The following GALNT13 variants were observed in gnomAD, a reference collection of about 807,000 sequenced individuals.
GALNT13 encodes polypeptide N-acetylgalactosaminyltransferase 13.
A neutral mutation model predicts 64.2 loss-of-function variants in GALNT13; 28 were observed. The observed-to-expected ratio is 0.44, with a 90% CI of 0.32 to 0.60. The LOEUF (loss-of-function observed/expected upper bound fraction) is 0.60, where lower values mean the gene tolerates loss of function less well. Ranked by LOEUF, GALNT13 falls within the 20% of genes least tolerant of loss-of-function variation. GALNT13 has a pLI of 0.05. For synonymous variants in GALNT13, 214 were observed against 224.6 expected, an observed-to-expected ratio of 0.95 and a Z score of 0.42; for missense variants, 577 against 669.8, an observed-to-expected ratio of 0.86 and a Z score of 1.53.
the GALNT13 span, among the ~76,000 whole-genome samples, chr2:153,160,618 A>C: frequency 6.6e-6 from 1 of 152,184 alleles, no homozygotes; most frequent in South Asian, 2.1e-4. Flanking sequence ...GTAACTCATG[A>C]GAAATAAAAG....
the GALNT13 span, among the ~76,000 whole-genome samples, chr2:153,697,733 C>A: frequency 6.6e-6 from 1 of 152,096 alleles, no homozygotes; most frequent in Non-Finnish European, 1.5e-5. Context: ...ATTTAAAGGT[C>A]CTAGTAAGAA....
the GALNT13 span, among the ~76,000 whole-genome samples, chr2:153,314,748 C>T: frequency 7.7e-6 from 1 of 129,746 alleles, no homozygotes; most frequent in Non-Finnish European, 1.7e-5. Flanking sequence ...ATACAACATG[C>T]CCAAACCTAT....
At chr2:153,583,408 C>A in the GALNT13 span, among the ~76,000 whole-genome samples, 1 of 152,158 alleles carries the variant, frequency 6.6e-6, no homozygotes, top group Non-Finnish European at 1.5e-5. Context: ...TAGACAATCA[C>A]ACTTTGAATA....
At chr2:153,110,516 C>T in the GALNT13 span, among the ~76,000 whole-genome samples, 2 of 152,052 alleles carry the variant, frequency 1.3e-5, no homozygotes, top group African/African-American at 4.8e-5. Flanking sequence ...TCAGTTCGTG[C>T]CCTAAGTCTA....
intron 8 of GALNT13, among the ~76,000 whole-genome samples, chr2:154,259,969 A>T (rs934456476): frequency 1.3e-5 from 2 of 151,902 alleles, no homozygotes; most frequent in Admixed American, 6.6e-5. Flanking sequence ...TGCAGCCTAG[A>T]CCTCCAGGGC....
the GALNT13 span, among the ~76,000 whole-genome samples, chr2:153,263,996 C>A: frequency 6.6e-6 from 1 of 152,162 alleles, no homozygotes; most frequent in Admixed American, 6.5e-5. Flanking sequence ...AAGCTATCAT[C>A]ATAGTGAACA....
At chr2:154,366,155 T>C (rs1436815994) in intron 9 of GALNT13, among the ~76,000 whole-genome samples, 1 of 152,194 alleles carries the variant, frequency 6.6e-6, no homozygotes, top group African/African-American at 2.4e-5. Context: ...TAGTGTCATA[T>C]CACAGCCAGT....
chr2:154,291,741 G>A (rs536337374), intron 8 of GALNT13, among the ~76,000 whole-genome samples: 1 of 152,374 alleles, frequency 6.6e-6, no homozygotes, highest in Admixed American at 6.5e-5. Context: ...CCAGAGAGGG[G>A]CCCCCACAGC....
At chr2:154,143,807 G>A (rs1200736169) in intron 4 of GALNT13, among the ~76,000 whole-genome samples, 2 of 143,042 alleles carry the variant, frequency 1.4e-5, no homozygotes, top group African/African-American at 2.6e-5. Context: ...GTTGCAGTGA[G>A]CCGTGATTGT....
At chr2:153,425,633 G>A in the GALNT13 span, among the ~76,000 whole-genome samples, 81 of 151,874 alleles carry the variant, frequency 5.3e-4, no homozygotes, top group Middle Eastern at 6.8e-3. Context: ...TTAAGTCTAT[G>A]AGAAAATGAT....
intron 9 of GALNT13, among the ~76,000 whole-genome samples, chr2:154,368,367 CTCTCT>C (rs1559117414): frequency 1.3e-5 from 2 of 152,164 alleles, no homozygotes; most frequent in Non-Finnish European, 2.9e-5. Context: ...GGTCACACCC[CTCTCT>C]GGGGTGTGAC....
intron 4 of GALNT13, among the ~76,000 whole-genome samples, chr2:154,237,078 C>T (rs1689231394): frequency 6.6e-6 from 1 of 151,728 alleles, no homozygotes; most frequent in South Asian, 2.1e-4. Flanking sequence ...ATTTTTATTG[C>T]ATTATTATTA....
chr2:153,458,819 T>A, the GALNT13 span, among the ~76,000 whole-genome samples: 1 of 152,226 alleles, frequency 6.6e-6, no homozygotes, highest in Admixed American at 6.5e-5. Context: ...GTAACTATTT[T>A]AAAAAGATCT....
chr2:153,970,836 G>A (rs754935976), intron 3 of GALNT13, among the ~76,000 whole-genome samples: 34 of 152,070 alleles, frequency 2.2e-4, no homozygotes, highest in Non-Finnish European at 2.6e-4. Context: ...AGCACATCCT[G>A]TTTGCATTAT....
At chr2:154,165,912 G>A (rs1684996363) in intron 4 of GALNT13, among the ~76,000 whole-genome samples, 1 of 152,184 alleles carries the variant, frequency 6.6e-6, no homozygotes. Context: ...GTTCAAGAGA[G>A]TATTGAACAG....
At chr2:154,115,291 TA>T (rs1703227493) in intron 3 of GALNT13, among the ~76,000 whole-genome samples, 1 of 152,160 alleles carries the variant, frequency 6.6e-6, no homozygotes, top group African/African-American at 2.4e-5. Context: ...TATTTTTATC[TA>T]TTTTTATTAT....
the GALNT13 span, among the ~76,000 whole-genome samples, chr2:153,072,639 C>G: frequency 6.6e-6 from 1 of 152,130 alleles, no homozygotes; most frequent in Non-Finnish European, 1.5e-5. Context: ...GGGATGTTGT[C>G]CCTTCCTTTT....
At chr2:153,345,577 CT>C in the GALNT13 span, among the ~76,000 whole-genome samples, 1 of 151,996 alleles carries the variant, frequency 6.6e-6, no homozygotes, top group African/African-American at 2.4e-5. Flanking sequence ...ATTCCACACC[CT>C]GCCCCCAACC....
chr2:153,171,245 C>G, the GALNT13 span, among the ~76,000 whole-genome samples: 1 of 152,138 alleles, frequency 6.6e-6, no homozygotes, highest in Non-Finnish European at 1.5e-5. Flanking sequence ...TGCTTCTGAT[C>G]AAGGCTTTCC....
Sources: allele counts gnomAD v4.1 joint callset (sites outside exome capture counted in the v4.1 genomes callset), GRCh38; gene constraint gnomAD v4.1.1; transcripts MANE v1.5; gene names NCBI Gene and HGNC (gene_info 2026-07-23, HGNC 2026-07-21).